CDH12: variants seen among roughly 807,000 people sequenced by gnomAD.
CDH12 encodes the protein cadherin 12, also known as cadherin-12.
CDH12 carries 41 observed loss-of-function variants against 74.1 expected under a neutral mutation model. The observed-to-expected ratio is 0.55, with a 90% CI of 0.43 to 0.72. The LOEUF (loss-of-function observed/expected upper bound fraction) is 0.72, where lower values mean the gene tolerates loss of function less well. Among genes scored for constraint, CDH12 ranks in the 30% least tolerant of loss-of-function variants. The probability of loss-of-function intolerance (pLI) is 0.00; values close to 1 mark genes in which losing one functional copy is unlikely to be tolerated. For synonymous variants in CDH12, 399 were observed against 355.0 expected, an observed-to-expected ratio of 1.12 and a Z score of -1.39; for missense variants, 945 against 977.2, an observed-to-expected ratio of 0.97 and a Z score of 0.44.
intron 3 of CDH12, among the ~76,000 whole-genome samples, chr5:22,344,189 C>T (rs1001072504): frequency 6.6e-6 from 1 of 152,130 alleles, no homozygotes; most frequent in Non-Finnish European, 1.5e-5. Flanking sequence ...CTTTGATGTC[C>T]AAAATAGCTG....
rs149138480 is a variant in CDH12, at chr5:22,239,473, G to T, written c.-332-26830C>A. Among the ~76,000 whole-genome samples the T allele has an allele frequency of 3.5e-3, 536 of 152,034 alleles. 3 individuals carry two copies. The highest frequency in any genetic ancestry group is 0.013 in the African/African-American group (520 of 41,450). On this transcript the variant is annotated intron_variant, in intron 3 of 14. Coordinates refer to ENST00000382254, the MANE Select transcript of CDH12 (RefSeq NM_004061.5). Reference sequence around the variant, plus strand: ...TTGATGCTAAGCAGTATCTTCACACGTCTGCTACACTAAGATTTAAATGTT... The same window carrying T: ...TTGATGCTAAGCAGTATCTTCACACTTCTGCTACACTAAGATTTAAATGTT...
At chr5:22,185,809 C>A (rs1183289954) in intron 4 of CDH12, among the ~76,000 whole-genome samples, 4 of 152,056 alleles carry the variant, frequency 2.6e-5, no homozygotes, top group Non-Finnish European at 5.9e-5. Context: ...TACATTTATT[C>A]CACAAAAAAA....
chr5:21,922,949 T>TATATCC (rs1258044599), intron 6 of CDH12, among the ~76,000 whole-genome samples: 1 of 141,990 alleles, frequency 7.0e-6, no homozygotes, highest in Admixed American at 6.8e-5. Flanking sequence ...TATCTATATC[T>TATATCC]ATATCTATAT....
intron 3 of CDH12, among the ~76,000 whole-genome samples, chr5:22,261,381 A>G (rs1753505566): frequency 6.6e-6 from 1 of 151,796 alleles, no homozygotes; most frequent in Admixed American, 6.6e-5. Context: ...TGGTCATTTT[A>G]CTTTCAAGAT....
intron 5 of CDH12, among the ~76,000 whole-genome samples, chr5:22,043,691 C>T (rs1282659222): frequency 6.6e-6 from 1 of 151,094 alleles, no homozygotes. Flanking sequence ...TATAGAAAAT[C>T]CCAAAAACTC....
At chr5:22,682,478 T>C (rs918395819) in intron 1 of CDH12, among the ~76,000 whole-genome samples, 1 of 152,094 alleles carries the variant, frequency 6.6e-6, no homozygotes, top group African/African-American at 2.4e-5. Flanking sequence ...TGGTCTCTTA[T>C]ATGGTAACTT....
At chr5:22,754,011 G>A (rs960572532) in intron 1 of CDH12, among the ~76,000 whole-genome samples, 1 of 152,048 alleles carries the variant, frequency 6.6e-6, no homozygotes, top group Non-Finnish European at 1.5e-5. Flanking sequence ...CTGTTATTAA[G>A]CAGTCCATAA....
chr5:22,129,887 A>T (rs1326268193), intron 4 of CDH12, among the ~76,000 whole-genome samples: 1 of 152,150 alleles, frequency 6.6e-6, no homozygotes, highest in Middle Eastern at 3.2e-3. Context: ...AATTGTAAAG[A>T]TATGGAGAGG....
At chr5:22,111,289 A>C (rs1744800527) in intron 4 of CDH12, among the ~76,000 whole-genome samples, 2 of 152,178 alleles carry the variant, frequency 1.3e-5, no homozygotes, top group Non-Finnish European at 2.9e-5. Flanking sequence ...CACTAACAAA[A>C]TGGGCTAAAG....
intron 6 of CDH12, among the ~76,000 whole-genome samples, chr5:21,856,860 A>G (rs1750780043): frequency 6.6e-6 from 1 of 151,910 alleles, no homozygotes; most frequent in South Asian, 2.1e-4. Flanking sequence ...CTGTATCTAT[A>G]GAATTAAAAG....
chr5:22,052,565 C>T (rs891419784), intron 5 of CDH12, among the ~76,000 whole-genome samples: 1 of 152,074 alleles, frequency 6.6e-6, no homozygotes, highest in Admixed American at 6.6e-5. Flanking sequence ...CACTCCTTTG[C>T]TTTCTACTGA....
At chr5:22,341,426 A>G (rs1487040675) in intron 3 of CDH12, among the ~76,000 whole-genome samples, 1 of 152,226 alleles carries the variant, frequency 6.6e-6, no homozygotes, top group African/African-American at 2.4e-5. Flanking sequence ...CCAAACTAAA[A>G]TATAAGGAAT....
chr5:22,222,979 G>GT (rs200212714), intron 3 of CDH12, among the ~76,000 whole-genome samples: 14 of 150,748 alleles, frequency 9.3e-5, no homozygotes, highest in Admixed American at 2.7e-4. Flanking sequence ...TATTTAATAT[G>GT]TTTTTTTTTC....
chr5:21,983,841 C>T (rs1757410397), intron 5 of CDH12, among the ~76,000 whole-genome samples: 1 of 152,118 alleles, frequency 6.6e-6, no homozygotes, highest in Admixed American at 6.6e-5. Context: ...ATTTAATACA[C>T]ACAAATTGTG....
chr5:22,757,209 G>A (rs977529476), intron 1 of CDH12, among the ~76,000 whole-genome samples: 2 of 152,032 alleles, frequency 1.3e-5, no homozygotes, highest in East Asian at 1.9e-4. Flanking sequence ...AGATGGTAGA[G>A]CACATACCAC....
chr5:22,697,784 A>G (rs910215567), intron 1 of CDH12, among the ~76,000 whole-genome samples: 2 of 152,078 alleles, frequency 1.3e-5, no homozygotes, highest in Non-Finnish European at 2.9e-5. Flanking sequence ...TAGTTAGGTT[A>G]TAAAGGTGGG....
At chr5:22,060,715 T>C (rs1477722082) in intron 5 of CDH12, among the ~76,000 whole-genome samples, 2 of 152,256 alleles carry the variant, frequency 1.3e-5, no homozygotes, top group East Asian at 3.9e-4. Context: ...GCAGGTTCTT[T>C]TTTTGAGACA....
chr5:22,716,154 C>T (rs1295815828), intron 1 of CDH12, among the ~76,000 whole-genome samples: 1 of 151,842 alleles, frequency 6.6e-6, no homozygotes, highest in Non-Finnish European at 1.5e-5. Context: ...AACAAACAAA[C>T]AAAAAACATA....
chr5:22,435,005 G>GTGAT (rs1744320316), intron 2 of CDH12, among the ~76,000 whole-genome samples: 1 of 152,128 alleles, frequency 6.6e-6, no homozygotes, highest in Middle Eastern at 3.2e-3. Flanking sequence ...CTTAGTGGGG[G>GTGAT]TGATGGTTAA....
Sources: gnomAD v4.1 joint callset for allele counts (sites outside exome capture counted in the v4.1 genomes callset) on GRCh38, gnomAD v4.1.1 for gene constraint, MANE v1.5 for transcripts, NCBI Gene and HGNC (gene_info 2026-07-23, HGNC 2026-07-21) for gene names.